The following SPPL2A variants were observed in gnomAD, a reference collection of about 807,000 sequenced individuals.
The protein encoded by SPPL2A is signal peptide peptidase-like 2A.
A neutral mutation model predicts 63.8 loss-of-function variants in SPPL2A; 51 were observed. The observed-to-expected ratio is 0.80, with a 90% confidence interval of 0.64 to 1.01. The LOEUF is 1.01. Ranked by LOEUF, SPPL2A falls within the 50% of genes least tolerant of loss-of-function variation. SPPL2A has a pLI of 0.00. For synonymous variants in SPPL2A, 188 were observed against 205.8 expected, an observed-to-expected ratio of 0.91 and a Z score of 0.74; for missense variants, 553 against 622.7, an observed-to-expected ratio of 0.89 and a Z score of 1.19.
intron 11 of SPPL2A, among the ~76,000 whole-genome samples, chr15:50,725,700 GTATTA>G (rs1343871025): frequency 6.6e-6 from 1 of 152,130 alleles, no homozygotes; most frequent in South Asian, 2.1e-4. Flanking sequence ...CAAAGTGCTG[GTATTA>G]CAGGCATGAG....
At chr15:50,717,740 CG>C (rs1406055225) in intron 14 of SPPL2A, among the ~76,000 whole-genome samples, 10 of 152,020 alleles carry the variant, frequency 6.6e-5, no homozygotes. Context: ...CTCTGAGCCT[CG>C]GAAGACATGG....
intron 5 of SPPL2A, among the ~76,000 whole-genome samples, chr15:50,744,928 T>C (rs2062847190): frequency 6.6e-6 from 1 of 152,160 alleles, no homozygotes; most frequent in Non-Finnish European, 1.5e-5. Context: ...TCCCCTAATC[T>C]GCATAAATTA....
At chr15:50,713,595 C>A (rs994326313) in intron 14 of SPPL2A, among the ~76,000 whole-genome samples, 6 of 151,792 alleles carry the variant, frequency 4.0e-5, no homozygotes, top group Admixed American at 6.6e-5. Flanking sequence ...TAACATCCTG[C>A]AAGTTGCCTA....
chr15:50,740,448 A>T (rs949612835), intron 5 of SPPL2A, among the ~76,000 whole-genome samples: 10 of 88,746 alleles, frequency 1.1e-4, no homozygotes, highest in Admixed American at 6.6e-4. Flanking sequence ...AAAAAAAAGA[A>T]AAAAAAAAGA....
chr15:50,715,780 CAAT>C lies in SPPL2A; in HGVS notation c.1488+4157_1488+4159del, dbSNP rs144508660. On this transcript the variant is annotated intron_variant, in intron 14 of 14. Transcript: ENST00000261854. ...GTAAAAATTTTAGTAAATTAACTAC[CAAT>C]AATATTAACCTACAAGACATTAAAA... is the stretch of plus-strand genomic sequence containing the variant. 5.0e-3 allele frequency among the ~76,000 whole-genome samples: 761 copies of C among 152,004 alleles called. 2 individuals carry two copies. The highest frequency in any genetic ancestry group is 0.017 in the African/African-American group (716 of 41,482).
At chr15:50,754,506 G>T (rs577516366) in intron 1 of SPPL2A, among the ~76,000 whole-genome samples, 1 of 151,916 alleles carries the variant, frequency 6.6e-6, no homozygotes, top group Admixed American at 6.6e-5. Flanking sequence ...AAATACTATC[G>T]GCTTATACAT....
At chr15:50,756,954 C>G (rs1258883882) in intron 1 of SPPL2A, among the ~76,000 whole-genome samples, 2 of 152,060 alleles carry the variant, frequency 1.3e-5, no homozygotes, top group Non-Finnish European at 1.5e-5. Flanking sequence ...CATCACACTC[C>G]AGTTTTAATA....
chr15:50,743,204 G>A (rs1343948268), intron 5 of SPPL2A: 1 of 152,372 alleles, frequency 6.6e-6, no homozygotes, highest in Non-Finnish European at 1.5e-5. Flanking sequence ...CTGGGAGGCA[G>A]AGGTTGCAGT....
In SPPL2A at chr15:50,722,402, T is replaced by C. The variant is rs542224065; in HGVS notation, c.1250-201A>G. ...ATAGTTTAAACATTTCCTCAAGCTA[T>C]TAAATAGTTTTTAACTATCATTTTT... is the stretch of plus-strand genomic sequence containing the variant. On this transcript the variant is annotated intron_variant, in intron 12 of 14. Transcript: ENST00000261854. Among the ~76,000 whole-genome samples, 5 of 152,360 alleles carry C rather than the reference T, an allele frequency of 3.3e-5. No homozygotes were observed. In the South Asian group the frequency reaches 8.3e-4, roughly 25 times the overall value.
chr15:50,728,788 G>A (rs527443246), intron 10 of SPPL2A, among the ~76,000 whole-genome samples: 116 of 150,626 alleles, frequency 7.7e-4, no homozygotes, highest in African/African-American at 2.7e-3. Flanking sequence ...GACTACAGGC[G>A]TGCACCACCA....
At chr15:50,722,262 T>G (rs1245814002) in intron 12 of SPPL2A, 61 bp from the exon 13 acceptor site, 2 of 918,996 alleles carry the variant, frequency 2.2e-6, no homozygotes, top group African/African-American at 3.3e-5. Context: ...AATTCAATTG[T>G]TAACAATAGT....
At chr15:50,764,695 C>A (rs527315408) in intron 1 of SPPL2A, 37 of 152,334 alleles carry the variant, frequency 2.4e-4, no homozygotes, top group African/African-American at 8.9e-4. Context: ...CACTCCCACA[C>A]TGAAGCTCGA....
intron 1 of SPPL2A, among the ~76,000 whole-genome samples, chr15:50,762,587 G>A (rs1356837133): frequency 1.3e-5 from 2 of 152,036 alleles, no homozygotes; most frequent in African/African-American, 2.4e-5. Flanking sequence ...GATCTTTAAG[G>A]GCCTTTCCAA....
At position 50,723,508 on chromosome 15, in the gene SPPL2A, C is replaced by T. The variant is rs148527740; in HGVS notation, c.1250-1307G>A. Among the ~76,000 whole-genome samples, 479 of 152,100 alleles carry T rather than the reference C, an allele frequency of 3.1e-3. 4 individuals are homozygous for T. Among genetic ancestry groups the T allele is most frequent in the African/African-American group, 0.011 (456 of 41,474 alleles). On this transcript the variant is annotated intron_variant, in intron 12 of 14. Coordinates refer to ENST00000261854, the MANE Select transcript of SPPL2A (RefSeq NM_032802.4). ...TTTGTTTTTTTTTGAGACAGAGTCT[C>T]ACTGTCACCCAGGTCAGAGTGCAGT...
At chr15:50,735,072 T>C (rs2141038409) in intron 8 of SPPL2A, among the ~76,000 whole-genome samples, 1 of 152,058 alleles carries the variant, frequency 6.6e-6, no homozygotes, top group African/African-American at 2.4e-5. Flanking sequence ...GCCCGGCTAA[T>C]TCTGTATTTT....
intron 10 of SPPL2A, among the ~76,000 whole-genome samples, chr15:50,727,001 G>A (rs1257654529): frequency 6.6e-6 from 1 of 152,072 alleles, no homozygotes; most frequent in East Asian, 1.9e-4. Flanking sequence ...ATTAACCTTA[G>A]CTAAATTTCC....
intron 12 of SPPL2A, among the ~76,000 whole-genome samples, chr15:50,724,255 A>G (rs979914366): frequency 3.3e-5 from 5 of 152,100 alleles, no homozygotes; most frequent in African/African-American, 1.2e-4. Context: ...CATCCACCAC[A>G]GGCAGTTAGT....
Position 50,703,356 on chromosome 15 carries a change from A to ATATATATATATTTTTTT in SPPL2A, c.*4443_*4444insAAAAAAATATATATATA, listed in dbSNP as rs1196710672. The ATATATATATATTTTTTT allele has an allele frequency of 3.2e-5, 2 of 62,042 alleles. No homozygotes were observed. Among genetic ancestry groups the ATATATATATATTTTTTT allele is most frequent in the African/African-American group, 1.4e-4 (2 of 14,240 alleles). The allele number at this position is 62,042 out of a possible 1,614,324, so 3.8% of individuals were successfully genotyped here. A position where few individuals can be genotyped will look rare whatever the true frequency, so the allele number is the denominator to read the frequency against. On this transcript the variant is annotated 3_prime_UTR_variant, in exon 15 of 15. Transcript: ENST00000261854. ...TATATATATATATATACATATATAT[A>ATATATATATATTTTTTT]TTTTTTTTTTTTTTTTTTTTTTTTG...
chr15:50,732,517 G>T, intron 9 of SPPL2A, 86 bp downstream of exon 9: 1 of 749,602 alleles, frequency 1.3e-6, no homozygotes, highest in Non-Finnish European at 2.2e-6. Context: ...AAAAATTGGC[G>T]CATTTAATTG....
Sources: gnomAD v4.1 joint callset for allele counts (sites outside exome capture counted in the v4.1 genomes callset) on GRCh38, gnomAD v4.1.1 for gene constraint, MANE v1.5 for transcripts, NCBI Gene and HGNC (gene_info 2026-07-23, HGNC 2026-07-21) for gene names.